The following DOCK1 variants were observed in gnomAD, a reference collection of about 807,000 sequenced individuals.
The protein encoded by DOCK1 is dedicator of cytokinesis protein 1.
Under a neutral mutation model 262.7 loss-of-function variants are expected in DOCK1, and 138 were observed. That is an observed-to-expected ratio of 0.53 (90% CI 0.46 to 0.61). The LOEUF is 0.61. DOCK1 is among the 20% of genes least tolerant of loss of function. The pLI, the probability that DOCK1 is intolerant of heterozygous loss-of-function variation, is 0.00. For synonymous variants in DOCK1, 866 were observed against 867.4 expected (o/e 1.00, Z 0.03); for missense variants, 1,908 against 2,370.7 (o/e 0.80, Z 4.05).
At chr10:127,002,112 A>C (rs183744016) in intron 10 of DOCK1, among the ~76,000 whole-genome samples, 1 of 152,360 alleles carries the variant, frequency 6.6e-6, no homozygotes, top group Admixed American at 6.5e-5. Flanking sequence ...TGTTATATTT[A>C]AAATGCCTTT....
intron 4 of DOCK1, among the ~76,000 whole-genome samples, chr10:126,984,052 T>C (rs1437376310): frequency 6.6e-6 from 1 of 152,194 alleles, no homozygotes. Context: ...TGCTCAGGCA[T>C]GTCACCGTCT....
chr10:127,119,049 CT>C (rs10655577), intron 25 of DOCK1, among the ~76,000 whole-genome samples: 5 of 146,042 alleles, frequency 3.4e-5, no homozygotes, highest in African/African-American at 1.0e-4. Context: ...AGGAATCAGG[CT>C]TTTTTTTTTT....
chr10:127,383,919 T>TTTC lies in DOCK1; in HGVS notation c.3808-861_3808-859dup, dbSNP rs745517965. ...TGTTCTTTTTCTTGTTCTGTTTTTT[T>TTTC]TTCTTCTTCTTCCTGTAGAAGGGTC... On this transcript the variant is annotated intron_variant, in intron 37 of 51. Transcript: ENST00000623213. Among the ~76,000 whole-genome samples, 5 of 152,246 alleles carry TTTC rather than the reference T, an allele frequency of 3.3e-5. No individual in the cohort carries two copies. In the East Asian group the frequency reaches 7.7e-4, roughly 24 times the overall value.
At chr10:127,414,567 C>G (rs932006036) in intron 43 of DOCK1, among the ~76,000 whole-genome samples, 2 of 152,192 alleles carry the variant, frequency 1.3e-5, no homozygotes, top group Non-Finnish European at 2.9e-5. Flanking sequence ...ACAATAGATA[C>G]TAAAGCATAT....
chr10:127,121,479 A>T (rs372404591), intron 25 of DOCK1, among the ~76,000 whole-genome samples: 1 of 30,664 alleles, frequency 3.3e-5, no homozygotes, highest in Non-Finnish European at 1.0e-4. Flanking sequence ...GTGTGTGTCT[A>T]TCTGTCCGTC....
chr10:127,184,030 G>A (rs1263015104), intron 27 of DOCK1, among the ~76,000 whole-genome samples: 1 of 152,138 alleles, frequency 6.6e-6, no homozygotes. Context: ...AAACTTGGCA[G>A]TGTCTCTGGT....
chr10:127,051,870 A>G (rs1428796382), intron 21 of DOCK1, among the ~76,000 whole-genome samples: 1 of 152,216 alleles, frequency 6.6e-6, no homozygotes, highest in African/African-American at 2.4e-5. Flanking sequence ...GGTGTGAGCA[A>G]GAGCACCTGG....
intron 29 of DOCK1, among the ~76,000 whole-genome samples, chr10:127,280,034 AATT>A (rs2060894354): frequency 7.2e-4 from 66 of 91,434 alleles, no homozygotes; most frequent in Non-Finnish European, 1.2e-3. Flanking sequence ...ATATATATAT[AATT>A]TTTTTTTTTT....
At chr10:127,065,417 G>A (rs1207792352) in intron 23 of DOCK1, among the ~76,000 whole-genome samples, 2 of 152,078 alleles carry the variant, frequency 1.3e-5, no homozygotes, top group Non-Finnish European at 2.9e-5. Flanking sequence ...TGTGTGTCTC[G>A]TGCACATTTT....
At chr10:127,064,956 G>T (rs945356577) in intron 23 of DOCK1, among the ~76,000 whole-genome samples, 1 of 152,126 alleles carries the variant, frequency 6.6e-6, no homozygotes, top group Admixed American at 6.5e-5. Context: ...GAATTTAATG[G>T]CTCTGGGAAC....
chr10:127,260,847 A>C (rs1192698818), intron 29 of DOCK1, among the ~76,000 whole-genome samples: 1 of 59,870 alleles, frequency 1.7e-5, no homozygotes, highest in Non-Finnish European at 3.1e-5. Flanking sequence ...GCGTGTGTGT[A>C]CCCGTGCTCA....
intron 29 of DOCK1, among the ~76,000 whole-genome samples, chr10:127,288,989 G>C (rs957612806): frequency 6.6e-6 from 1 of 151,950 alleles, no homozygotes; most frequent in African/African-American, 2.4e-5. Flanking sequence ...TTGATTTTTA[G>C]TGATTGCACT....
intron 19 of DOCK1, among the ~76,000 whole-genome samples, chr10:127,038,734 A>T (rs1423064484): frequency 9.8e-6 from 1 of 101,560 alleles, no homozygotes; most frequent in Non-Finnish European, 2.1e-5. Context: ...CAGTCAGATT[A>T]CATGGCCGGA....
At chr10:127,208,336 A>G (rs574758518) in intron 27 of DOCK1, among the ~76,000 whole-genome samples, 16 of 152,328 alleles carry the variant, frequency 1.1e-4, no homozygotes, top group African/African-American at 3.6e-4. Context: ...AATCCTGGAC[A>G]GTCAGCATTG....
At chr10:127,227,615 T>TTA (rs2058692123) in intron 27 of DOCK1, among the ~76,000 whole-genome samples, 1 of 152,218 alleles carries the variant, frequency 6.6e-6, no homozygotes, top group Non-Finnish European at 1.5e-5. Flanking sequence ...CTTCTGCACC[T>TTA]GAAAGGGTTC....
At chr10:127,280,036 T>TATATAA (rs2060895967) in intron 29 of DOCK1, among the ~76,000 whole-genome samples, 2 of 79,418 alleles carry the variant, frequency 2.5e-5, no homozygotes, top group African/African-American at 6.0e-5. Context: ...ATATATATAA[T>TATATAA]TTTTTTTTTT....
intron 27 of DOCK1, among the ~76,000 whole-genome samples, chr10:127,166,812 A>G (rs1424868891): frequency 6.6e-6 from 1 of 152,096 alleles, no homozygotes. Flanking sequence ...ACACAAATCC[A>G]TAAATTCCAT....
intron 49 of DOCK1, among the ~76,000 whole-genome samples, chr10:127,442,117 G>A (rs1374877840): frequency 1.3e-5 from 2 of 152,214 alleles, no homozygotes; most frequent in Admixed American, 1.3e-4. Context: ...TGGCTCCCCC[G>A]ACAGCACAGG....
intron 27 of DOCK1, among the ~76,000 whole-genome samples, chr10:127,142,255 G>A (rs888118250): frequency 2.0e-5 from 3 of 152,200 alleles, no homozygotes; most frequent in Non-Finnish European, 4.4e-5. Context: ...ACACGGGCAC[G>A]TGGGAAGCCG....
Sources: gnomAD v4.1 joint callset for allele counts (sites outside exome capture counted in the v4.1 genomes callset) on GRCh38, gnomAD v4.1.1 for gene constraint, MANE v1.5 for transcripts, NCBI Gene and HGNC (gene_info 2026-07-23, HGNC 2026-07-21) for gene names.